The following SPECC1 variants were observed in gnomAD, a reference collection of about 807,000 sequenced individuals.
SPECC1 encodes sperm antigen with calponin homology and coiled-coil domains 1, also known as cytospin-B.
A neutral mutation model predicts 104.1 loss-of-function variants in SPECC1; 62 were observed. That is an observed-to-expected ratio of 0.60 (90% CI 0.49 to 0.74). The LOEUF (loss-of-function observed/expected upper bound fraction) is 0.74, where lower values mean the gene tolerates loss of function less well. SPECC1 is among the 30% of genes least tolerant of loss of function. SPECC1 has a pLI of 0.00. For synonymous variants in SPECC1, 513 were observed against 501.6 expected, an observed-to-expected ratio of 1.02 and a Z score of -0.30; for missense variants, 1,306 against 1,310.5, an observed-to-expected ratio of 1.00 and a Z score of 0.05.
At chr17:20,296,411 T>C (rs1044741173) in intron 12 of SPECC1, among the ~76,000 whole-genome samples, 4 of 152,236 alleles carry the variant, frequency 2.6e-5, no homozygotes, top group Non-Finnish European at 1.5e-5. Flanking sequence ...CCATGCTGTT[T>C]TGGTTGCTGT....
intron 1 of SPECC1, among the ~76,000 whole-genome samples, chr17:20,021,602 G>C (rs933872075): frequency 1.3e-5 from 2 of 150,494 alleles, no homozygotes; most frequent in African/African-American, 4.9e-5. Context: ...CCAGATTGCT[G>C]TCAAGGGTGG....
intron 2 of SPECC1, among the ~76,000 whole-genome samples, chr17:20,110,053 G>C (rs1466753949): frequency 6.6e-6 from 1 of 151,940 alleles, no homozygotes; most frequent in Non-Finnish European, 1.5e-5. Flanking sequence ...GCCCAGGCTG[G>C]TCTTGAACTC....
chr17:20,234,289 G>T (rs1332294628), intron 7 of SPECC1, among the ~76,000 whole-genome samples: 1 of 152,158 alleles, frequency 6.6e-6, no homozygotes, highest in African/African-American at 2.4e-5. Flanking sequence ...ACACCAATGA[G>T]AACATGTCAT....
chr17:20,226,991 T>G (rs896643093), intron 4 of SPECC1, among the ~76,000 whole-genome samples: 2 of 151,922 alleles, frequency 1.3e-5, no homozygotes, highest in Admixed American at 6.6e-5. Context: ...GCTCTCTTGG[T>G]GCAGGGCCAG....
intron 3 of SPECC1, among the ~76,000 whole-genome samples, chr17:20,195,560 A>AT (rs35368324): frequency 7.1e-4 from 99 of 140,358 alleles, no homozygotes; most frequent in Non-Finnish European, 1.0e-3. Context: ...ATAAAACCCA[A>AT]TTTTTTTTTT....
In SPECC1 at chr17:20,087,260, A is replaced by G. The variant is rs150699467; in HGVS notation, c.-21-9371A>G. Among the ~76,000 whole-genome samples the G allele has an allele frequency of 3.5e-3, 526 of 152,334 alleles. 2 individuals carry two copies. The highest frequency in any genetic ancestry group is 8.1e-3 in the African/African-American group (337 of 41,580). ...CCAAAAGTTTTAAAAGCCATCCCTC[A>G]GGAATAAATTTAGGAATTATTTCTC... On this transcript the variant is annotated intron_variant, in intron 1 of 14. Coordinates refer to ENST00000395527, the MANE Select transcript of SPECC1 (RefSeq NM_001243439.2).
intron 1 of SPECC1, among the ~76,000 whole-genome samples, chr17:20,082,986 G>A (rs192996909): frequency 6.8e-6 from 1 of 146,908 alleles, no homozygotes; most frequent in Non-Finnish European, 1.5e-5. Flanking sequence ...TCGTTCGTTC[G>A]TTCGTTCGTT....
intron 7 of SPECC1, among the ~76,000 whole-genome samples, chr17:20,235,625 C>T (rs1220338295): frequency 6.6e-6 from 1 of 152,196 alleles, no homozygotes; most frequent in Non-Finnish European, 1.5e-5. Context: ...CAGGGAAAGA[C>T]CTCTGTGTTT....
chr17:20,013,716 T>G (rs962412102), intron 1 of SPECC1, among the ~76,000 whole-genome samples: 1 of 152,176 alleles, frequency 6.6e-6, no homozygotes, highest in Non-Finnish European at 1.5e-5. Context: ...TTGGCCAGGC[T>G]AGTCTCAAAT....
At chr17:20,159,105 C>T (rs973870542) in intron 3 of SPECC1, among the ~76,000 whole-genome samples, 2 of 151,940 alleles carry the variant, frequency 1.3e-5, no homozygotes, top group Admixed American at 6.6e-5. Flanking sequence ...CCACTATGCC[C>T]GCCTAATTTT....
At chr17:20,133,809 C>A (rs1306243574) in intron 3 of SPECC1, among the ~76,000 whole-genome samples, 1 of 152,150 alleles carries the variant, frequency 6.6e-6, no homozygotes, top group Non-Finnish European at 1.5e-5. Context: ...GATCTGTTGT[C>A]AAAGCCCCTC....
chr17:20,205,574 A>G lies in SPECC1; in HGVS notation c.1525A>G (p.Ile509Val), dbSNP rs1309149787. ...AGAAAACCAAGGAGCTTTAGAAATG[A>G]TTAAACGTCTGAAGGAAGAAAATGA... ...EEENQGALEM[I>V]KRLKEENEKL... is the part of the protein sequence containing the mutation. The change falls in exon 4 of 15, where the codon ATT (isoleucine) becomes GTT (valine). Residue 509 changes from isoleucine to valine, a missense_variant. Ile to Val is a conservative substitution (Grantham distance 29). This residue lies in a region of SPECC1 where 1,177 missense variants were observed against 1,139.9 expected (regional missense o/e 1.03). Transcript: ENST00000395527. 3 of 1,614,124 alleles carry G rather than the reference A, an allele frequency of 1.9e-6. No homozygotes were observed. Among genetic ancestry groups the G allele is most frequent in the Admixed American group, 1.7e-5 (1 of 60,002 alleles).
At chr17:20,108,649 A>G (rs771293972) in intron 2 of SPECC1, among the ~76,000 whole-genome samples, 1 of 152,202 alleles carries the variant, frequency 6.6e-6, no homozygotes, top group Non-Finnish European at 1.5e-5. Context: ...ATTTATTAGT[A>G]TATCAGTAAT....
At chr17:20,146,359 G>A (rs2031461337) in intron 3 of SPECC1, among the ~76,000 whole-genome samples, 1 of 152,118 alleles carries the variant, frequency 6.6e-6, no homozygotes, top group African/African-American at 2.4e-5. Context: ...ATGCATTTAA[G>A]GTTCCTCCAT....
intron 14 of SPECC1, among the ~76,000 whole-genome samples, chr17:20,311,447 A>G (rs761501260): frequency 5.5e-4 from 83 of 151,476 alleles, no homozygotes; most frequent in Admixed American, 2.6e-4. Flanking sequence ...CTGGGGTGCA[A>G]TGGCATGATC....
intron 7 of SPECC1, among the ~76,000 whole-genome samples, chr17:20,242,398 A>T (rs535521865): frequency 1.3e-5 from 2 of 152,376 alleles, no homozygotes; most frequent in East Asian, 1.9e-4. Flanking sequence ...GAGGAGGGCC[A>T]TGTGCCTTGC....
Position 20,107,517 on chromosome 17 carries a change from C to T in SPECC1, c.148-2910C>T, listed in dbSNP as rs565920706. 3.5e-4 allele frequency among the ~76,000 whole-genome samples: 52 copies of T among 146,958 alleles called. No individual in the cohort carries two copies. In the East Asian group the frequency reaches 9.0e-3, roughly 25 times the overall value. ...TGTTTGCCAGTATAGAGTGCAGTGG[C>T]GCGATCTCGGCTCACTGTAACCTCC... On this transcript the variant is annotated intron_variant, in intron 2 of 14. Coordinates refer to ENST00000395527, the MANE Select transcript of SPECC1 (RefSeq NM_001243439.2).
At chr17:20,285,757 C>T (rs1043942161) in intron 12 of SPECC1, among the ~76,000 whole-genome samples, 13 of 151,836 alleles carry the variant, frequency 8.6e-5, no homozygotes, top group South Asian at 6.3e-4. Flanking sequence ...CTTCCCTCCC[C>T]CTCCCTGTCC....
At chr17:20,077,686 C>T (rs1025868645) in intron 1 of SPECC1, among the ~76,000 whole-genome samples, 2 of 152,072 alleles carry the variant, frequency 1.3e-5, no homozygotes, top group Non-Finnish European at 2.9e-5. Flanking sequence ...AGGCTGGTCT[C>T]GGACTCCTGA....
Sources: gnomAD v4.1 joint callset for allele counts (sites outside exome capture counted in the v4.1 genomes callset) on GRCh38, gnomAD v4.1.1 for gene constraint, gnomAD v4.1.1 regional missense constraint, MANE v1.5 for transcripts, NCBI Gene and HGNC (gene_info 2026-07-23, HGNC 2026-07-21) for gene names.